The following CEP112 variants were observed in gnomAD, a reference collection of about 807,000 sequenced individuals.
The protein encoded by CEP112 is centrosomal protein 112.
Under a neutral mutation model 153.0 loss-of-function variants are expected in CEP112, and 127 were observed. The observed-to-expected ratio is 0.83, with a 90% CI of 0.72 to 0.96. The LOEUF (loss-of-function observed/expected upper bound fraction) is 0.96, where lower values mean the gene tolerates loss of function less well. CEP112 is among the 40% of genes least tolerant of loss of function. CEP112 has a pLI of 0.00. For synonymous variants in CEP112, 358 were observed against 374.4 expected (o/e 0.96, Z 0.51); for missense variants, 1,089 against 1,101.2 (o/e 0.99, Z 0.16).
At chr17:65,949,658 T>C (rs909986543) in intron 18 of CEP112, among the ~76,000 whole-genome samples, 2 of 152,166 alleles carry the variant, frequency 1.3e-5, no homozygotes, top group African/African-American at 4.8e-5. Flanking sequence ...TCTGGCAGAA[T>C]TGAAGAAGTA....
chr17:65,655,105 C>T (rs925028737), intron 24 of CEP112: 27 of 710,254 alleles, frequency 3.8e-5, no homozygotes, highest in East Asian at 1.5e-4. Flanking sequence ...TTAAAGTTGG[C>T]GTCATTCCCA....
chr17:65,707,318 A>T (rs2048968071), intron 23 of CEP112, among the ~76,000 whole-genome samples: 1 of 151,832 alleles, frequency 6.6e-6, no homozygotes. Context: ...TAACCTACCC[A>T]CTTCTCTCCA....
At chr17:66,038,834 G>C (rs1202662990) in intron 12 of CEP112, among the ~76,000 whole-genome samples, 1 of 152,168 alleles carries the variant, frequency 6.6e-6, no homozygotes, top group African/African-American at 2.4e-5. Flanking sequence ...TAGGAACTCA[G>C]ATTCTTAATC....
intron 6 of CEP112, among the ~76,000 whole-genome samples, chr17:66,097,058 C>A (rs2146284388): frequency 6.6e-6 from 1 of 152,262 alleles, no homozygotes; most frequent in South Asian, 2.1e-4. Context: ...CACTGCACTC[C>A]CAGATGTATT....
chr17:66,142,280 CA>C (rs2070734712), intron 4 of CEP112, among the ~76,000 whole-genome samples: 2 of 152,086 alleles, frequency 1.3e-5, no homozygotes, highest in African/African-American at 4.8e-5. Flanking sequence ...ATGTGGCTTG[CA>C]AATATTTTAT....
intron 24 of CEP112, among the ~76,000 whole-genome samples, chr17:65,666,197 C>T (rs904280554): frequency 7.9e-5 from 12 of 152,348 alleles, no homozygotes; most frequent in East Asian, 1.9e-4. Flanking sequence ...CCCAGGCTAC[C>T]GCCTGTTGCT....
chr17:65,948,791 G>A (rs562896030), intron 18 of CEP112, among the ~76,000 whole-genome samples: 339 of 151,930 alleles, frequency 2.2e-3, no homozygotes, highest in Non-Finnish European at 3.7e-3. Flanking sequence ...AAAAGTTTAA[G>A]TCTGTTACAT....
intron 4 of CEP112, among the ~76,000 whole-genome samples, chr17:66,168,453 A>G (rs1568570103): frequency 7.1e-6 from 1 of 140,616 alleles, no homozygotes; most frequent in East Asian, 1.9e-4. Context: ...GTGTGTGTAT[A>G]TATGTATATG....
intron 9 of CEP112, 149 bp from the exon 10 acceptor site, chr17:66,067,026 C>T (rs967438394): frequency 2.0e-4 from 23 of 113,686 alleles, no homozygotes; most frequent in African/African-American, 9.4e-4. Flanking sequence ...AACACACACA[C>T]ACACACACAC....
intron 21 of CEP112, among the ~76,000 whole-genome samples, chr17:65,792,187 T>C (rs1443594447): frequency 6.6e-6 from 1 of 152,192 alleles, no homozygotes; most frequent in African/African-American, 2.4e-5. Flanking sequence ...ATGTAATCCA[T>C]GACAAAATAT....
At chr17:66,166,651 A>C (rs34993328) in intron 4 of CEP112, among the ~76,000 whole-genome samples, 5,182 of 152,162 alleles carry the variant, frequency 0.034, 132 homozygotes, top group Middle Eastern at 0.062. Flanking sequence ...TAATCCCAGC[A>C]CTTTGGGAGG....
intron 21 of CEP112, among the ~76,000 whole-genome samples, chr17:65,841,823 A>C (rs2057529073): frequency 1.3e-5 from 2 of 151,884 alleles, no homozygotes; most frequent in Admixed American, 1.3e-4. Flanking sequence ...AATTATCAGC[A>C]CTAATCATAA....
chr17:66,067,986 C>T (rs905086039), intron 9 of CEP112, among the ~76,000 whole-genome samples: 4 of 152,062 alleles, frequency 2.6e-5, no homozygotes, highest in Admixed American at 6.6e-5. Context: ...TAATCAGCCT[C>T]CTTTATATCT....
At position 65,638,031 on chromosome 17, in the gene CEP112, T is replaced by C. The variant is rs539791860; in HGVS notation, c.2800-843A>G. On this transcript the variant is annotated intron_variant, in intron 25 of 26. Coordinates refer to ENST00000535342, the MANE Select transcript of CEP112 (RefSeq NM_001199165.4). ...GTGGCTCTAGGAAAATTACTTAAGCTCTTGATGCTTAATCTGTGAAATGGG... is the reference window on the plus strand; with the variant it reads ...GTGGCTCTAGGAAAATTACTTAAGCCCTTGATGCTTAATCTGTGAAATGGG... Among the ~76,000 whole-genome samples the C allele has an allele frequency of 4.6e-5, 7 of 152,296 alleles. No homozygotes were observed. In the South Asian group the frequency reaches 1.4e-3, roughly 32 times the overall value.
rs754581750 is a variant in CEP112, at chr17:66,005,766, G to A, written c.1660C>T (p.His554Tyr). Residue 554 changes from histidine (H) to tyrosine (Y), a missense_variant, in exon 17 of 27, where the codon CAT becomes TAT. Coordinates refer to ENST00000535342, the MANE Select transcript of CEP112 (RefSeq NM_001199165.4). Reference protein sequence around the residue: ...HLKHIYEKKAHDLQSELDKGK... With the variant: ...HLKHIYEKKAYDLQSELDKGK... ...TTATCAAGTTCACTCTGCAAGTCAT[G>A]AGCCTGCCATGACAAGAACATGGAA... 2.5e-6 allele frequency: 4 copies of A among 1,597,580 alleles called. No homozygotes were observed. The highest frequency in any genetic ancestry group is 3.4e-6 in the Non-Finnish European group (4 of 1,175,172).
chr17:65,679,037 C>A (rs1381310522), intron 24 of CEP112, among the ~76,000 whole-genome samples: 1 of 145,318 alleles, frequency 6.9e-6, no homozygotes. Context: ...GCTTTGCCAC[C>A]AAAATCTATT....
At chr17:65,682,719 C>T (rs1286523593) in intron 24 of CEP112, among the ~76,000 whole-genome samples, 1 of 152,098 alleles carries the variant, frequency 6.6e-6, no homozygotes, top group Non-Finnish European at 1.5e-5. Context: ...TGATATCACA[C>T]CTTCTGGCCA....
rs11658189 is a variant in CEP112, at chr17:66,183,113, T to C, written c.106+81A>G. ...CTAGAGAAATTCAGTTTTTCTTCCA[T>C]GTTGATAGTTCATTGGTTTGACTAA... On this transcript the variant is annotated intron_variant, in intron 2 of 26. Coordinates refer to ENST00000535342, the MANE Select transcript of CEP112 (RefSeq NM_001199165.4). 4.5e-5 allele frequency: 43 copies of C among 956,624 alleles called. No homozygotes were observed. In the African/African-American group the frequency reaches 6.5e-4, roughly 15 times the overall value. The allele number at this position is 956,624 out of a possible 1,614,324, so 59.3% of individuals were successfully genotyped here.
At chr17:65,746,313 A>C (rs936189705) in intron 22 of CEP112, among the ~76,000 whole-genome samples, 2 of 152,034 alleles carry the variant, frequency 1.3e-5, no homozygotes, top group Non-Finnish European at 2.9e-5. Context: ...GAATAAGGAG[A>C]GATTCCTCTG....
Sources: gnomAD v4.1 joint callset for allele counts (sites outside exome capture counted in the v4.1 genomes callset) on GRCh38, gnomAD v4.1.1 for gene constraint, MANE v1.5 for transcripts, NCBI Gene and HGNC (gene_info 2026-07-23, HGNC 2026-07-21) for gene names.